Variants in STX18 observed in about 807,000 individuals in gnomAD.
STX18 encodes the protein syntaxin 18, also known as syntaxin-18.
Under a neutral mutation model 50.1 loss-of-function variants are expected in STX18, and 40 were observed. The ratio of observed to expected loss-of-function variants is 0.80; its 90% CI spans 0.62 to 1.04. The LOEUF (loss-of-function observed/expected upper bound fraction) is 1.04. Ranked by LOEUF, STX18 falls within the 50% of genes least tolerant of loss-of-function variation. The probability of loss-of-function intolerance (pLI) is 0.00; values close to 1 mark genes in which losing one functional copy is unlikely to be tolerated. For synonymous variants in STX18, 158 were observed against 151.8 expected, an observed-to-expected ratio of 1.04 and a Z score of -0.30; for missense variants, 410 against 415.8, an observed-to-expected ratio of 0.99 and a Z score of 0.12.
chr4:4,468,185 CT>C (rs926131913), intron 2 of STX18, among the ~76,000 whole-genome samples: 4 of 152,032 alleles, frequency 2.6e-5, no homozygotes, highest in Admixed American at 6.6e-5. Flanking sequence ...TGCAGAAACC[CT>C]TTTTTTTCCT....
intron 9 of STX18, among the ~76,000 whole-genome samples, chr4:4,422,286 G>A (rs1725009171): frequency 6.6e-6 from 1 of 152,134 alleles, no homozygotes; most frequent in Non-Finnish European, 1.5e-5. Context: ...CTCCCAGTGG[G>A]CCGGGCGCAG....
Position 4,524,047 on chromosome 4 carries a change from TC to T in STX18, c.168+17749del, listed in dbSNP as rs769527673. On this transcript the variant is annotated intron_variant, in intron 1 of 10. Transcript: ENST00000306200. The stretch of plus-strand genomic sequence containing the variant: ...TTATGTGCCTCTAAGTCTATTTTTT[TC>T]CCTAGATTATGTGTTTCTCAAAGTC... 8.5e-5 allele frequency among the ~76,000 whole-genome samples: 13 copies of T among 152,316 alleles called. No individual in the cohort carries two copies. In the East Asian group the frequency reaches 1.3e-3, roughly 16 times the overall value.
intron 1 of STX18, among the ~76,000 whole-genome samples, chr4:4,503,340 C>A (rs1729545762): frequency 6.6e-6 from 1 of 152,076 alleles, no homozygotes; most frequent in Non-Finnish European, 1.5e-5. Flanking sequence ...GTAGAAAAAA[C>A]TAAACCTATG....
chr4:4,490,549 T>A lies in STX18; in HGVS notation c.169-18843A>T, dbSNP rs956491121. 4.6e-5 allele frequency among the ~76,000 whole-genome samples: 7 copies of A among 152,274 alleles called. No individual in the cohort carries two copies. In the East Asian group the frequency reaches 9.6e-4, roughly 21 times the overall value. On this transcript the variant is annotated intron_variant, in intron 1 of 10. Coordinates refer to ENST00000306200, the MANE Select transcript of STX18 (RefSeq NM_016930.4). ...TTTTCTCCAAAAGGTTCTCTACAGA[T>A]GCTTACTTCGTAAAATGCAGCTTAA...
intron 1 of STX18, among the ~76,000 whole-genome samples, chr4:4,496,865 T>C (rs181004278): frequency 2.0e-5 from 3 of 152,204 alleles, no homozygotes; most frequent in Non-Finnish European, 4.4e-5. Flanking sequence ...CTGAAATAAC[T>C]ACATGATATG....
Position 4,487,113 on chromosome 4 carries a change from A to AAC in STX18, c.169-15409_169-15408dup, listed in dbSNP as rs368252347. Reference sequence around the variant, plus strand: ...GTGCCTCTGATTGTAAACACTGTTCAACACACACACACACACGAGACACAC... The same window carrying AAC: ...GTGCCTCTGATTGTAAACACTGTTCAACACACACACACACACACGAGACACAC... On this transcript the variant is annotated intron_variant, in intron 1 of 10. Transcript: ENST00000306200. Among the ~76,000 whole-genome samples, 438 of 150,678 alleles carry AAC rather than the reference A, an allele frequency of 2.9e-3. 1 individual carries two copies. Among genetic ancestry groups the AAC allele is most frequent in the African/African-American group, 9.9e-3 (401 of 40,502 alleles).
intron 5 of STX18, among the ~76,000 whole-genome samples, chr4:4,442,481 G>T (rs1194089999): frequency 6.6e-6 from 1 of 152,164 alleles, no homozygotes. Context: ...GCCGGGCGTG[G>T]TGGCACGCAC....
intron 1 of STX18, among the ~76,000 whole-genome samples, chr4:4,491,343 A>C (rs1370115804): frequency 6.6e-6 from 1 of 152,162 alleles, no homozygotes; most frequent in African/African-American, 2.4e-5. Flanking sequence ...AGGATATTTT[A>C]CTATATAAGG....
chr4:4,463,459 T>A (rs1727481416), intron 2 of STX18, among the ~76,000 whole-genome samples: 1 of 152,222 alleles, frequency 6.6e-6, no homozygotes, highest in South Asian at 2.1e-4. Context: ...ACCTGTAGCA[T>A]TAGAGGAAGA....
intron 1 of STX18, among the ~76,000 whole-genome samples, chr4:4,478,497 TC>T (rs1485293823): frequency 5.3e-5 from 8 of 152,294 alleles, no homozygotes; most frequent in Non-Finnish European, 1.0e-4. Flanking sequence ...TTGTTCATTC[TC>T]CCGTTTGAGT....
At chr4:4,469,746 T>C (rs995596720) in intron 2 of STX18, among the ~76,000 whole-genome samples, 1 of 152,190 alleles carries the variant, frequency 6.6e-6, no homozygotes, top group African/African-American at 2.4e-5. Context: ...TTTGGTCGTC[T>C]GGCTTTTTTC....
intron 1 of STX18, among the ~76,000 whole-genome samples, chr4:4,491,822 T>C (rs1379368895): frequency 6.6e-6 from 1 of 152,086 alleles, no homozygotes; most frequent in Non-Finnish European, 1.5e-5. Flanking sequence ...GATTTCCTAA[T>C]AGAATGAACA....
At chr4:4,434,470 A>G (rs942771132) in intron 7 of STX18, among the ~76,000 whole-genome samples, 2 of 152,266 alleles carry the variant, frequency 1.3e-5, no homozygotes, top group Non-Finnish European at 2.9e-5. Context: ...AGTGGCATTT[A>G]TAAAAGACCC....
chr4:4,489,094 G>A (rs1728821084), intron 1 of STX18, among the ~76,000 whole-genome samples: 1 of 152,060 alleles, frequency 6.6e-6, no homozygotes, highest in African/African-American at 2.4e-5. Flanking sequence ...AGGAATGAAT[G>A]TTCATTTTAT....
chr4:4,457,206 A>G lies in STX18; in HGVS notation c.482T>C (p.Val161Ala). 1 of 1,613,994 alleles carries G rather than the reference A, an allele frequency of 6.2e-7. No homozygotes were observed. Among genetic ancestry groups the G allele is most frequent in the Non-Finnish European group, 8.5e-7 (1 of 1,179,898 alleles). The change falls in exon 5 of 11, where the codon GTG becomes GCG. Residue 161 changes from valine (V) to alanine (A), a missense_variant. By Grantham distance (64) the Val-to-Ala change is moderately conservative. Transcript: ENST00000306200. Reference sequence around the variant, plus strand: ...CAATACTTACAATCTTTTCTTATCCACCACTCTTTTAACTCGGATGGCTCT... The same window carrying G: ...CAATACTTACAATCTTTTCTTATCCGCCACTCTTTTAACTCGGATGGCTCT... ...EQRAIRVKRV[V>A]DKKRLSKLEP...
intron 7 of STX18, among the ~76,000 whole-genome samples, chr4:4,433,413 G>A (rs1377604044): frequency 6.6e-6 from 1 of 151,516 alleles, no homozygotes; most frequent in African/African-American, 2.4e-5. Context: ...CTCTGCCTAG[G>A]AAAACCAGAG....
chr4:4,423,282 A>G (rs1481598267), intron 9 of STX18, among the ~76,000 whole-genome samples: 4 of 152,138 alleles, frequency 2.6e-5, no homozygotes, highest in Non-Finnish European at 4.4e-5. Flanking sequence ...GTGCTACCAC[A>G]TGGGGTGGTC....
At chr4:4,432,713 C>T (rs1211527790) in intron 7 of STX18, among the ~76,000 whole-genome samples, 1 of 152,238 alleles carries the variant, frequency 6.6e-6, no homozygotes, top group East Asian at 1.9e-4. Context: ...TCCCACTAGG[C>T]TGTGCTACCT....
At chr4:4,464,910 T>G (rs553653521) in intron 2 of STX18, among the ~76,000 whole-genome samples, 45 of 152,226 alleles carry the variant, frequency 3.0e-4, no homozygotes, top group African/African-American at 1.0e-3. Flanking sequence ...GCGTTTTTTT[T>G]TTTGTGTGTG....
Sources: allele counts gnomAD v4.1 joint callset (sites outside exome capture counted in the v4.1 genomes callset), GRCh38; gene constraint gnomAD v4.1.1; transcripts MANE v1.5; gene names NCBI Gene and HGNC (gene_info 2026-07-23, HGNC 2026-07-21).